Variants in MAOB observed in about 807,000 individuals in gnomAD.
The protein encoded by MAOB is monoamine oxidase B.
Under a neutral mutation model 41.9 loss-of-function variants are expected in MAOB, and 15 were observed. That is an observed-to-expected ratio of 0.36 (90% CI 0.24 to 0.55). The LOEUF (loss-of-function observed/expected upper bound fraction) is 0.55, where lower values mean the gene tolerates loss of function less well. Ranked by LOEUF, MAOB falls within the 20% of genes least tolerant of loss-of-function variation. The probability of loss-of-function intolerance (pLI) is 0.86; values close to 1 mark genes in which losing one functional copy is unlikely to be tolerated. For synonymous variants in MAOB, 167 were observed against 144.2 expected (o/e 1.16, Z -1.13); for missense variants, 345 against 398.7 (o/e 0.87, Z 1.15).
At chrX:43,775,322 T>C (rs775478110) in intron 11 of MAOB, 50 bp from the exon 12 acceptor site, 1 of 1,172,980 alleles carries the variant, frequency 8.5e-7, no homozygotes, top group Non-Finnish European at 1.1e-6. Flanking sequence ...GAAAGCTATT[T>C]AGCCTAGAAT....
chrX:43,864,410 G>A, intron 1 of MAOB, among the ~76,000 whole-genome samples: 1 of 110,944 alleles, frequency 9.0e-6, no homozygotes, highest in Non-Finnish European at 1.9e-5. Context: ...TAGCTTCATT[G>A]GTCTTGTGAG....
rs1157628579 is a variant in MAOB, at chrX:43,857,084, A to AAT, written c.47-13322_47-13321dup. On this transcript the variant is annotated intron_variant, in intron 1 of 14. Coordinates refer to ENST00000378069, the MANE Select transcript of MAOB (RefSeq NM_000898.5). ...CTCAACACAAACTACCTATTCTTTA[A>AAT]ATATATATATATATATATATATATA... 3.9e-3 allele frequency among the ~76,000 whole-genome samples: 89 copies of AAT among 22,701 alleles called. 9 individuals carry two copies. The highest frequency in any genetic ancestry group is 7.7e-3 in the East Asian group (2 of 261). The allele number at this position is 22,701 out of a possible 115,157, so 19.7% of individuals were successfully genotyped here.
At chrX:43,824,689 A>C (rs991160325) in intron 3 of MAOB, among the ~76,000 whole-genome samples, 1 of 112,293 alleles carries the variant, frequency 8.9e-6, no homozygotes, top group African/African-American at 3.2e-5. Flanking sequence ...TCTCAAAAAA[A>C]AAAAGAAAAG....
At chrX:43,819,388 T>C (rs939060520) in intron 3 of MAOB, among the ~76,000 whole-genome samples, 3 of 111,254 alleles carry the variant, frequency 2.7e-5, no homozygotes, top group Non-Finnish European at 5.7e-5. Context: ...CTGGCCCTCT[T>C]GCCCCACTCA....
At chrX:43,877,430 G>A (rs1488228203) in intron 1 of MAOB, among the ~76,000 whole-genome samples, 2 of 110,897 alleles carry the variant, frequency 1.8e-5, no homozygotes, top group East Asian at 5.7e-4. Flanking sequence ...TGTCCCAGGG[G>A]TGTTAGAATC....
chrX:43,834,177 A>G (rs2147159649), intron 3 of MAOB, among the ~76,000 whole-genome samples: 1 of 112,312 alleles, frequency 8.9e-6, no homozygotes, highest in African/African-American at 3.2e-5. Context: ...TAAACTCAAC[A>G]TGGTAAGTGT....
At chrX:43,810,242 C>CAAAAA (rs143045804) in intron 3 of MAOB, among the ~76,000 whole-genome samples, 1 of 37,682 alleles carries the variant, frequency 2.7e-5, no homozygotes, top group Non-Finnish European at 4.0e-5. Flanking sequence ...GACTCTGTCT[C>CAAAAA]AAAAAAAAAA....
chrX:43,795,042 G>A (rs1275455353), intron 7 of MAOB, among the ~76,000 whole-genome samples: 3 of 110,949 alleles, frequency 2.7e-5, no homozygotes, highest in Non-Finnish European at 3.8e-5. Flanking sequence ...CATCAGCCAT[G>A]TGTCCTCTGA....
At chrX:43,872,279 G>T in intron 1 of MAOB, among the ~76,000 whole-genome samples, 1 of 112,005 alleles carries the variant, frequency 8.9e-6, no homozygotes, top group Admixed American at 9.5e-5. Flanking sequence ...CCACTAAAAT[G>T]TTACAAAACT....
At position 43,838,857 on chromosome X, in the gene MAOB, C is replaced by T. The variant is rs750709311; in HGVS notation, c.279+11G>A. On this transcript the variant is annotated intron_variant, in intron 3 of 14. Coordinates refer to ENST00000378069, the MANE Select transcript of MAOB (RefSeq NM_000898.5). ...AGTTTTCAAATCCTTCAAAGTCTGG[C>T]CTGATCTTACCTTTACATGGTGGAT... 1 of 1,181,284 alleles carries T rather than the reference C, an allele frequency of 8.5e-7. No individual in the cohort carries two copies. Among genetic ancestry groups the T allele is most frequent in the African/African-American group, 1.8e-5 (1 of 56,578 alleles).
Position 43,771,633 on chromosome X carries a change from CT to C in MAOB, c.1236-2216del, listed in dbSNP as rs35762562. 1.9e-4 allele frequency among the ~76,000 whole-genome samples: 21 copies of C among 110,401 alleles called. No homozygotes were observed. In the East Asian group the frequency reaches 5.5e-3, roughly 29 times the overall value. On this transcript the variant is annotated intron_variant, in intron 12 of 14. Transcript: ENST00000378069. ...AATGCCGTTTTTCACTACATGTTTACTTTTTTTTCAATGGAGAAAACTAACC... is the reference window on the plus strand; with the variant it reads ...AATGCCGTTTTTCACTACATGTTTACTTTTTTTCAATGGAGAAAACTAACC...
At chrX:43,832,712 G>A (rs1004885338) in intron 3 of MAOB, among the ~76,000 whole-genome samples, 2 of 111,528 alleles carry the variant, frequency 1.8e-5, no homozygotes, top group Non-Finnish European at 3.8e-5. Flanking sequence ...AGTAGTTTTC[G>A]GGGAGTCAAG....
At chrX:43,775,889 A>G (rs190398822) in intron 11 of MAOB, among the ~76,000 whole-genome samples, 34 of 112,810 alleles carry the variant, frequency 3.0e-4, no homozygotes, top group African/African-American at 1.1e-3. Flanking sequence ...CTTTATCATT[A>G]AGCATTACTT....
In MAOB at chrX:43,767,334, G is replaced by A. The variant is rs1260317669; in HGVS notation, c.*132C>T. 1.8e-4 allele frequency: 111 copies of A among 615,771 alleles called. No individual in the cohort carries two copies. The highest frequency in any genetic ancestry group is 2.6e-4 in the Non-Finnish European group (107 of 412,589). 50.7% of individuals were successfully genotyped at this position (615,771 alleles called of 1,213,427 possible). ...AGATACCATGTATTTTACAGTCAGAGTTGGATTTATCTTCATGCTCCCCGC... is the reference window on the plus strand; with the variant it reads ...AGATACCATGTATTTTACAGTCAGAATTGGATTTATCTTCATGCTCCCCGC... On this transcript the variant is annotated 3_prime_UTR_variant, in exon 15 of 15. Transcript: ENST00000378069.
Position 43,882,411 on chromosome X carries a change from G to T in MAOB, c.-112C>A. On this transcript the variant is annotated 5_prime_UTR_variant, in exon 1 of 15. Transcript: ENST00000378069. ...CCGCCTGCCCGCCGGCCTGCTGCGC[G>T]CTGCCCCCGTGCACCAGCGCCTCGG... is the stretch of plus-strand genomic sequence containing the variant. The T allele has an allele frequency of 1.3e-5, 14 of 1,081,034 alleles. 1 individual carries two copies. The South Asian group carries it at 3.4e-4, about 27-fold the overall frequency. The allele number at this position is 1,081,034 out of a possible 1,213,427, so 89.1% of individuals were successfully genotyped here.
chrX:43,782,449 C>T (rs1415640253), intron 8 of MAOB, among the ~76,000 whole-genome samples: 3 of 111,026 alleles, frequency 2.7e-5, no homozygotes, highest in Non-Finnish European at 5.7e-5. Flanking sequence ...AGGAAGAAAT[C>T]GAACCCCTGA....
intron 3 of MAOB, among the ~76,000 whole-genome samples, chrX:43,830,386 T>G (rs1195635614): frequency 9.0e-6 from 1 of 111,344 alleles, no homozygotes; most frequent in Non-Finnish European, 1.9e-5. Flanking sequence ...AGCCCAGTAA[T>G]AGCCATTGTC....
intron 1 of MAOB, among the ~76,000 whole-genome samples, chrX:43,846,510 T>C (rs1488486081): frequency 9.0e-6 from 1 of 111,530 alleles, no homozygotes; most frequent in African/African-American, 3.3e-5. Context: ...CTAATGTTCA[T>C]AGGGGGTAGT....
At chrX:43,779,406 G>A (rs1037895040) in intron 10 of MAOB, among the ~76,000 whole-genome samples, 2 of 111,963 alleles carry the variant, frequency 1.8e-5, no homozygotes, top group Admixed American at 9.5e-5. Flanking sequence ...ACCATAAAAC[G>A]AGTGGAAGAA....
Sources: gnomAD v4.1 joint callset for allele counts (sites outside exome capture counted in the v4.1 genomes callset) on GRCh38, gnomAD v4.1.1 for gene constraint, MANE v1.5 for transcripts, NCBI Gene and HGNC (gene_info 2026-07-23, HGNC 2026-07-21) for gene names.